The following HADHB variants were observed in gnomAD, a reference collection of about 807,000 sequenced individuals.
The protein encoded by HADHB is trifunctional enzyme subunit beta, mitochondrial.
Under a neutral mutation model 61.9 loss-of-function variants are expected in HADHB, and 50 were observed. That is an observed-to-expected ratio of 0.81 (90% CI 0.64 to 1.02). HADHB has a LOEUF of 1.02. HADHB is among the 50% of genes least tolerant of loss of function. HADHB has a pLI of 0.00. For missense variants in HADHB, 504 were observed against 586.5 expected (o/e 0.86, Z 1.45); for synonymous variants, 191 against 201.6 (o/e 0.95, Z 0.45).
intron 15 of HADHB, among the ~76,000 whole-genome samples, chr2:26,287,720 C>T (rs1673092281): frequency 6.6e-6 from 1 of 152,298 alleles, no homozygotes; most frequent in Non-Finnish European, 1.5e-5. Context: ...AGAAATCCAT[C>T]GTGGTGAATC....
chr2:26,272,033 G>A (rs550277763), intron 5 of HADHB, among the ~76,000 whole-genome samples: 27 of 152,126 alleles, frequency 1.8e-4, no homozygotes, highest in African/African-American at 6.0e-4. Flanking sequence ...GGGACTATAG[G>A]CGTAAGCCAA....
At chr2:26,277,763 G>A (rs868068987) in intron 7 of HADHB, among the ~76,000 whole-genome samples, 19 of 152,210 alleles carry the variant, frequency 1.2e-4, no homozygotes, top group African/African-American at 4.6e-4. Flanking sequence ...AGGTACTTCA[G>A]CATCTGAGGC....
rs745342635 is a variant in HADHB, at chr2:26,254,321, A to G, written c.64+3A>G. ...ATCAAAATGGGCCCTCAGATTTTGT[A>G]AGTTTATTATTATTTTTTTATTTTT... On this transcript the variant is annotated splice_donor_region_variant and intron_variant, in intron 2 of 15. Coordinates refer to ENST00000317799, the MANE Select transcript of HADHB (RefSeq NM_000183.3). 2.6e-6 allele frequency: 4 copies of G among 1,544,924 alleles called. No individual in the cohort carries two copies. The highest frequency in any genetic ancestry group is 4.5e-5 in the East Asian group (2 of 44,604).
At chr2:26,258,641 G>C (rs1208582296) in intron 3 of HADHB, among the ~76,000 whole-genome samples, 8 of 152,200 alleles carry the variant, frequency 5.3e-5, no homozygotes, top group Non-Finnish European at 8.8e-5. Flanking sequence ...CAAAAGCTCA[G>C]CTCGAGCCAG....
Position 26,289,238 on chromosome 2 carries a change from G to A in HADHB, c.1390-680G>A, listed in dbSNP as rs543269747. 2.6e-5 allele frequency among the ~76,000 whole-genome samples: 4 copies of A among 152,124 alleles called. No individual in the cohort carries two copies. The East Asian group carries it at 7.7e-4, about 29-fold the overall frequency. On this transcript the variant is annotated intron_variant, in intron 15 of 15. Transcript: ENST00000317799. ...GTACTCCAGCCTGGGCAACGGCGAGGCACGGTCTCCAAAATAATAAATAAA... is the reference window on the plus strand; with the variant it reads ...GTACTCCAGCCTGGGCAACGGCGAGACACGGTCTCCAAAATAATAAATAAA...
At chr2:26,253,857 A>AAAAT (rs146843338) in intron 1 of HADHB, among the ~76,000 whole-genome samples, 43,272 of 125,130 alleles carry the variant, frequency 0.35, 7,523 homozygotes, top group African/African-American at 0.44. Flanking sequence ...CCATCTCAAA[A>AAAAT]AAATAAATAA....
intron 1 of HADHB, among the ~76,000 whole-genome samples, chr2:26,246,290 G>C (rs1437246709): frequency 6.6e-6 from 1 of 151,956 alleles, no homozygotes; most frequent in Admixed American, 6.6e-5. Context: ...TTCAGGATTT[G>C]CAGGATCACT....
intron 1 of HADHB, chr2:26,245,525 C>G (rs527718568): frequency 4.7e-4 from 71 of 152,104 alleles, no homozygotes; most frequent in African/African-American, 1.6e-3. Context: ...ATCCTGCGCT[C>G]TCGGGGGTTT....
chr2:26,254,566 T>A, intron 3 of HADHB, 92 bp downstream of exon 3: 1 of 857,622 alleles, frequency 1.2e-6, no homozygotes, highest in Admixed American at 1.8e-5. Flanking sequence ...CAAAACTAAT[T>A]TGCTAATTCT....
chr2:26,276,726 T>G (rs543399829), intron 6 of HADHB, among the ~76,000 whole-genome samples: 3 of 152,350 alleles, frequency 2.0e-5, no homozygotes, highest in Admixed American at 6.5e-5. Flanking sequence ...TAGGTTCTTT[T>G]AAGTATATTT....
chr2:26,277,210 T>C, intron 7 of HADHB, 50 bp downstream of exon 7: 1 of 868,894 alleles, frequency 1.2e-6, no homozygotes, highest in Non-Finnish European at 1.9e-6. Flanking sequence ...CTCCTTTGTC[T>C]TTTACTTGAT....
intron 1 of HADHB, among the ~76,000 whole-genome samples, chr2:26,249,234 C>T (rs1386045376): frequency 1.3e-5 from 2 of 151,950 alleles, no homozygotes; most frequent in African/African-American, 4.8e-5. Context: ...AAATTGGCTT[C>T]TTAAAGGGGA....
chr2:26,287,311 T>A (rs1434608283), intron 15 of HADHB, among the ~76,000 whole-genome samples: 1 of 152,198 alleles, frequency 6.6e-6, no homozygotes, highest in East Asian at 1.9e-4. Flanking sequence ...GTTGGAACAT[T>A]TTGGACTTTA....
Position 26,254,301 on chromosome 2 carries a change from A to C in HADHB, c.47A>C (p.Lys16Thr), listed in dbSNP as rs768017278. 6.5e-7 allele frequency: 1 copy of C among 1,542,984 alleles called. No homozygotes were observed. The highest frequency in any genetic ancestry group is 9.0e-7 in the Non-Finnish European group (1 of 1,115,512). The change falls in exon 2 of 16, where the codon AAA becomes ACA. Residue 16 changes from lysine to threonine, a missense_variant. Transcript: ENST00000317799. ...YPFKNLPTAS[K>T]WALRFSIRPL... ...TTTAAAAATCTTCCCACTGCATCAA[A>C]ATGGGCCCTCAGATTTTGTAAGTTT...
chr2:26,266,884 A>AAAAAAAAAAAAAAAG, intron 4 of HADHB, among the ~76,000 whole-genome samples: 1 of 149,874 alleles, frequency 6.7e-6, no homozygotes, highest in Non-Finnish European at 1.5e-5. Context: ...AAAAAAAAAA[A>AAAAAAAAAAAAAAAG]AAAAAAAAAA....
intron 15 of HADHB, among the ~76,000 whole-genome samples, chr2:26,285,857 C>A (rs1673014327): frequency 6.8e-6 from 1 of 147,620 alleles, no homozygotes; most frequent in South Asian, 2.2e-4. Flanking sequence ...CGTGCCTCAG[C>A]CTCCCGAGCA....
At chr2:26,263,315 A>AAT in intron 3 of HADHB, 65 bp from the exon 4 acceptor site, 2 of 969,742 alleles carry the variant, frequency 2.1e-6, no homozygotes, top group Non-Finnish European at 3.2e-6. Context: ...AAAAAAAAAA[A>AAT]GTAAAAGTCA....
intron 6 of HADHB, among the ~76,000 whole-genome samples, chr2:26,275,556 C>T (rs560920795): frequency 3.9e-5 from 6 of 152,290 alleles, no homozygotes; most frequent in African/African-American, 1.2e-4. Flanking sequence ...TTGTGAGAAT[C>T]GAGCCATTGC....
intron 3 of HADHB, 146 bp from the exon 4 acceptor site, chr2:26,263,234 G>A (rs1671930950): frequency 1.8e-6 from 1 of 544,290 alleles, no homozygotes; most frequent in Non-Finnish European, 3.3e-6. Flanking sequence ...GGGAGGCAGA[G>A]GTTGCAGTGA....
Sources: allele counts gnomAD v4.1 joint callset (sites outside exome capture counted in the v4.1 genomes callset), GRCh38; gene constraint gnomAD v4.1.1; transcripts MANE v1.5; gene names NCBI Gene and HGNC (gene_info 2026-07-23, HGNC 2026-07-21).